Variants in YKT6 observed in about 807,000 individuals in gnomAD.
YKT6 encodes YKT6 vesicular SNARE protein.
In YKT6, 12 loss-of-function variants were observed where a neutral mutation model predicts 29.3. The observed-to-expected ratio is 0.41, with a 90% CI of 0.26 to 0.66. The LOEUF (loss-of-function observed/expected upper bound fraction) is 0.66, where lower values mean the gene tolerates loss of function less well. Among genes scored for constraint, YKT6 ranks in the 30% least tolerant of loss-of-function variants. The pLI is 0.32. For missense variants in YKT6, 188 were observed against 243.8 expected (o/e 0.77, Z 1.52); for synonymous variants, 86 against 94.3 (o/e 0.91, Z 0.51).
Position 44,201,040 on chromosome 7 carries a change from C to T in YKT6, c.-96C>T, listed in dbSNP as rs942698060. The T allele has an allele frequency of 2.8e-6, 3 of 1,056,530 alleles. No homozygotes were observed. Among genetic ancestry groups the T allele is most frequent in the Admixed American group, 3.3e-5 (1 of 30,204 alleles). 65.4% of individuals were successfully genotyped at this position (1,056,530 alleles called of 1,614,324 possible). Reference sequence around the variant, plus strand: ...CGTCAGCAGCCGGCTGCTGAGAGGCCGGTAGGCGGCGGCGGTCCCGAGGGG... The same window carrying T: ...CGTCAGCAGCCGGCTGCTGAGAGGCTGGTAGGCGGCGGCGGTCCCGAGGGG... On this transcript the variant is annotated 5_prime_UTR_variant, in exon 1 of 7. Transcript: ENST00000223369.
At chr7:44,211,386 A>G (rs1562744682) in intron 6 of YKT6, among the ~76,000 whole-genome samples, 1 of 152,088 alleles carries the variant, frequency 6.6e-6, no homozygotes, top group Non-Finnish European at 1.5e-5. Flanking sequence ...GCTCTGGCTG[A>G]TTTCTGAACT....
chr7:44,211,701 C>T, intron 6 of YKT6: 4 of 801,214 alleles, frequency 5.0e-6, no homozygotes, highest in Non-Finnish European at 6.1e-6. Flanking sequence ...CACACATTTG[C>T]TTTCATGTGC....
Position 44,207,408 on chromosome 7 carries a change from G to A in YKT6, c.309G>A (p.Lys103=), listed in dbSNP as rs766896881. The change falls in exon 4 of 7, where the codon AAG becomes AAA. Residue 103 remains lysine, a synonymous_variant. Transcript: ENST00000223369. ...TGCAGGTACTAGATGAATTCTCCAA[G>A]CAAGTCGACAGGATAGACTGGCCAG... ...LLEKVLDEFS[K]QVDRIDWPVG... is the part of the protein sequence containing the mutation. 1.9e-6 allele frequency: 3 copies of A among 1,613,998 alleles called. No homozygotes were observed. Among genetic ancestry groups the A allele is most frequent in the Middle Eastern group, 1.7e-4 (1 of 6,060 alleles).
At chr7:44,208,411 C>A in intron 5 of YKT6, 1 of 521,556 alleles carries the variant, frequency 1.9e-6, no homozygotes, top group Non-Finnish European at 3.4e-6. Flanking sequence ...TTCTAGGGGA[C>A]CAAGCTGGGA....
intron 1 of YKT6, among the ~76,000 whole-genome samples, chr7:44,203,933 A>C (rs2096338349): frequency 6.6e-6 from 1 of 152,064 alleles, no homozygotes; most frequent in African/African-American, 2.4e-5. Context: ...TTCTGGATAG[A>C]TCTCTCTGTT....
In YKT6 at chr7:44,208,173, A is replaced by G; in HGVS notation, c.434A>G (p.Glu145Gly). Reference protein sequence around the residue: ...EADPMTKVQAELDETKIILHN... With the variant: ...EADPMTKVQAGLDETKIILHN... ...GATCCCATGACTAAAGTGCAGGCCG[A>G]ACTAGATGAGACCAAAATCATTCTG... The change falls in exon 5 of 7, where the codon GAA becomes GGA. Residue 145 changes from glutamate (E) to glycine (G), a missense_variant. Transcript: ENST00000223369. The G allele has an allele frequency of 5.0e-6, 8 of 1,614,124 alleles. No individual in the cohort carries two copies. Among genetic ancestry groups the G allele is most frequent in the Non-Finnish European group, 5.9e-6 (7 of 1,180,006 alleles).
chr7:44,206,641 C>G (rs2096341220), intron 3 of YKT6, among the ~76,000 whole-genome samples, 156 bp downstream of exon 3: 1 of 152,186 alleles, frequency 6.6e-6, no homozygotes, highest in Non-Finnish European at 1.5e-5. Context: ...ACCCAAGAGA[C>G]AATTTGGCAT....
rs894844935 is a variant in YKT6, at chr7:44,201,006, C to T, written c.-130C>T. ...TTGCGAGCCAGGAGGAGGAAGCCGGCGGTGGCCCCGTCAGCAGCCGGCTGC... is the reference window on the plus strand; with the variant it reads ...TTGCGAGCCAGGAGGAGGAAGCCGGTGGTGGCCCCGTCAGCAGCCGGCTGC... On this transcript the variant is annotated 5_prime_UTR_variant, in exon 1 of 7. Coordinates refer to ENST00000223369, the MANE Select transcript of YKT6 (RefSeq NM_006555.4). 9 of 657,830 alleles carry T rather than the reference C, an allele frequency of 1.4e-5. No individual in the cohort carries two copies. The highest frequency in any genetic ancestry group is 4.3e-5 in the South Asian group (2 of 46,284). 40.7% of individuals were successfully genotyped at this position (657,830 alleles called of 1,614,324 possible).
In YKT6 at chr7:44,213,962, G is replaced by A. The variant is rs1290274167; in HGVS notation, c.*1680G>A. The A allele has an allele frequency of 6.6e-6, 1 of 152,378 alleles. No individual in the cohort carries two copies. The highest frequency in any genetic ancestry group is 2.4e-5 in the African/African-American group (1 of 41,460). The allele number at this position is 152,378 out of a possible 1,614,324, so 9.4% of individuals were successfully genotyped here. On this transcript the variant is annotated 3_prime_UTR_variant, in exon 7 of 7. Transcript: ENST00000223369. ...CCTGCCCACTGGTGCCGGAGACGGA[G>A]TGGAGTGGGCCTGGATCCGAGGGAT...
chr7:44,210,923 G>A (rs2096346112), intron 5 of YKT6, 100 bp from the exon 6 acceptor site: 1 of 1,222,958 alleles, frequency 8.2e-7, no homozygotes, highest in East Asian at 2.4e-5. Flanking sequence ...GTGTTGGAGA[G>A]GAACCCAGGT....
chr7:44,205,237 A>G (rs1306371721), intron 2 of YKT6, among the ~76,000 whole-genome samples: 1 of 152,228 alleles, frequency 6.6e-6, no homozygotes, highest in Admixed American at 6.5e-5. Context: ...TTGACTATAT[A>G]CACTTTATGT....
rs998743008 is a variant in YKT6 at position 44,212,612 on chromosome 7, C to T, written c.*330C>T. ...GGCTCTGTGGGAGGGAGGTCGGAGC[C>T]AGCTGTTTCTCGATCTTTGGTATAT... On this transcript the variant is annotated 3_prime_UTR_variant, in exon 7 of 7. Coordinates refer to ENST00000223369, the MANE Select transcript of YKT6 (RefSeq NM_006555.4). The T allele has an allele frequency of 3.4e-5, 11 of 325,970 alleles. 1 individual carries two copies. The highest frequency in any genetic ancestry group is 8.6e-4 in the Middle Eastern group (1 of 1,160). 20.2% of individuals were successfully genotyped at this position (325,970 alleles called of 1,614,324 possible). A position where few individuals can be genotyped will look rare whatever the true frequency, so the allele number is the denominator to read the frequency against.
chr7:44,211,261 G>C, intron 6 of YKT6, 137 bp downstream of exon 6: 1 of 876,788 alleles, frequency 1.1e-6, no homozygotes, highest in Non-Finnish European at 1.7e-6. Context: ...TGTGCGGCAA[G>C]AGCCTAAGGT....
intron 3 of YKT6, 79 bp from the exon 4 acceptor site, chr7:44,207,309 G>A: frequency 2.4e-6 from 3 of 1,267,800 alleles, no homozygotes; most frequent in Non-Finnish European, 2.3e-6. Context: ...AGGGTGAGGT[G>A]CTCAGGGGTG....
At chr7:44,206,546 GAC>G (rs2096341117) in intron 3 of YKT6, 61 bp downstream of exon 3, 2 of 1,439,454 alleles carry the variant, frequency 1.4e-6, no homozygotes, top group African/African-American at 2.8e-5. Flanking sequence ...TATGGACTGG[GAC>G]AGGGGTTGAT....
At chr7:44,210,027 C>T (rs996497905) in intron 5 of YKT6, among the ~76,000 whole-genome samples, 4 of 152,134 alleles carry the variant, frequency 2.6e-5, no homozygotes, top group Non-Finnish European at 4.4e-5. Flanking sequence ...TTTTACTTAA[C>T]GCAGTATATC....
At chr7:44,210,018 T>C (rs2128840401) in intron 5 of YKT6, among the ~76,000 whole-genome samples, 1 of 152,356 alleles carries the variant, frequency 6.6e-6, no homozygotes, top group Middle Eastern at 3.4e-3. Flanking sequence ...AATTATATAT[T>C]TTACTTAACG....
intron 2 of YKT6, among the ~76,000 whole-genome samples, chr7:44,205,649 C>T (rs527701195): frequency 6.6e-6 from 1 of 152,222 alleles, no homozygotes; most frequent in Non-Finnish European, 1.5e-5. Flanking sequence ...GTAATCCTTA[C>T]ATTTCTCTTT....
chr7:44,205,536 G>C (rs967076405), intron 2 of YKT6, among the ~76,000 whole-genome samples: 9 of 152,022 alleles, frequency 5.9e-5, no homozygotes, highest in South Asian at 2.1e-4. Context: ...TGATTTCAGG[G>C]GCTCACCATC....
Sources: gnomAD v4.1 joint callset for allele counts (sites outside exome capture counted in the v4.1 genomes callset) on GRCh38, gnomAD v4.1.1 for gene constraint, MANE v1.5 for transcripts, NCBI Gene and HGNC (gene_info 2026-07-23, HGNC 2026-07-21) for gene names.